ADCY9: variants seen among roughly 807,000 people sequenced by gnomAD.
ADCY9 encodes adenylate cyclase 9.
A neutral mutation model predicts 101.5 loss-of-function variants in ADCY9; 50 were observed. The ratio of observed to expected loss-of-function variants is 0.49; its 90% CI spans 0.39 to 0.62. ADCY9 has a LOEUF of 0.62. Among genes scored for constraint, ADCY9 ranks in the 20% least tolerant of loss-of-function variants. The probability of loss-of-function intolerance (pLI) is 0.00; values close to 1 mark genes in which losing one functional copy is unlikely to be tolerated. For synonymous variants in ADCY9, 905 were observed against 769.3 expected (o/e 1.18, Z -2.92); for missense variants, 1,662 against 1,800.4 (o/e 0.92, Z 1.39).
chr16:3,961,379 G>T (rs774101156), downstream of ADCY9, among the ~76,000 whole-genome samples: 1 of 151,892 alleles, frequency 6.6e-6, no homozygotes, highest in Non-Finnish European at 1.5e-5. Context: ...AGTCAGGGCA[G>T]GTCAAGGCTG....
chr16:4,031,810 G>A (rs1046683880), intron 2 of ADCY9, among the ~76,000 whole-genome samples: 103 of 152,088 alleles, frequency 6.8e-4, no homozygotes, highest in African/African-American at 2.2e-3. Flanking sequence ...CTGGGAGGTC[G>A]AGGCAGAGGT....
intron 2 of ADCY9, among the ~76,000 whole-genome samples, chr16:4,100,568 T>C (rs534028430): frequency 5.3e-5 from 8 of 151,864 alleles, no homozygotes; most frequent in African/African-American, 1.9e-4. Flanking sequence ...TGAGCTCAAG[T>C]GATCCGCCCG....
At chr16:4,035,543 T>A (rs1391251042) in intron 2 of ADCY9, among the ~76,000 whole-genome samples, 2 of 152,148 alleles carry the variant, frequency 1.3e-5, no homozygotes, top group Non-Finnish European at 2.9e-5. Context: ...TTAGATTGCC[T>A]CGCAAAGCCT....
intron 2 of ADCY9, among the ~76,000 whole-genome samples, chr16:4,051,504 A>G (rs2056701352): frequency 6.6e-6 from 1 of 151,914 alleles, no homozygotes; most frequent in South Asian, 2.1e-4. Flanking sequence ...CACCTGGGCA[A>G]CAGAGCAAGA....
chr16:4,007,712 C>T (rs1167297467), intron 2 of ADCY9, among the ~76,000 whole-genome samples, 154 bp from the exon 3 acceptor site: 4 of 152,182 alleles, frequency 2.6e-5, no homozygotes, highest in Admixed American at 2.6e-4. Context: ...CGTCCACGAT[C>T]TCTCCAGAGA....
At chr16:4,077,824 A>T (rs2056877237) in intron 2 of ADCY9, among the ~76,000 whole-genome samples, 1 of 152,066 alleles carries the variant, frequency 6.6e-6, no homozygotes. Context: ...GCATGGCAAA[A>T]CGCCATCTCT....
At position 3,962,858 on chromosome 16, in the gene ADCY9, T is replaced by C. The variant is rs2141665607; in HGVS notation, c.*2917A>G. On this transcript the variant is annotated 3_prime_UTR_variant, in exon 11 of 11. Transcript: ENST00000294016. ...ACTCCTTACCTCGAAAATCTAGAAA[T>C]TCAAATGCAGACGTGTCTTTGGAAA... 1 of 152,434 alleles carries C rather than the reference T, an allele frequency of 6.6e-6. No homozygotes were observed. Among genetic ancestry groups the C allele is most frequent in the African/African-American group, 2.4e-5 (1 of 41,464 alleles). The allele number at this position is 152,434 out of a possible 1,614,324, so 9.4% of individuals were successfully genotyped here.
In ADCY9 at chr16:4,115,577, C is replaced by A; in HGVS notation, c.-43-92G>T. Reference sequence around the variant, plus strand: ...CTGCTCCTGTCCTAAGGGGCGGCTCCAGCACGCGACCTGGACAGGCACCAT... The same window carrying A: ...CTGCTCCTGTCCTAAGGGGCGGCTCAAGCACGCGACCTGGACAGGCACCAT... On this transcript the variant is annotated intron_variant, in intron 1 of 10. Transcript: ENST00000294016. This position sits in a 1 kb window ranked among gnomAD's most constrained non-coding sequence, Gnocchi z 6.2. The A allele has an allele frequency of 9.1e-7, 1 of 1,098,654 alleles. No homozygotes were observed. The highest frequency in any genetic ancestry group is 1.3e-6 in the Non-Finnish European group (1 of 793,408). 68.1% of individuals were successfully genotyped at this position (1,098,654 alleles called of 1,614,324 possible).
In ADCY9 at chr16:3,963,665, T is replaced by C; in HGVS notation, c.*2110A>G. 3.6e-6 allele frequency: 1 copy of C among 275,216 alleles called. No individual in the cohort carries two copies. The highest frequency in any genetic ancestry group is 6.8e-6 in the Non-Finnish European group (1 of 147,864). 17.0% of individuals were successfully genotyped at this position (275,216 alleles called of 1,614,324 possible). A position where few individuals can be genotyped will look rare whatever the true frequency, so the allele number is the denominator to read the frequency against. On this transcript the variant is annotated 3_prime_UTR_variant, in exon 11 of 11. Coordinates refer to ENST00000294016, the MANE Select transcript of ADCY9 (RefSeq NM_001116.4). The stretch of plus-strand genomic sequence containing the variant: ...TGTGTGCGGAGAACTTTGCGGAGCA[T>C]GTTCTGAGCGAGACAGCAAGGTCGT...
At chr16:4,007,099 C>A (rs528091400) in intron 3 of ADCY9, among the ~76,000 whole-genome samples, 5 of 152,228 alleles carry the variant, frequency 3.3e-5, no homozygotes, top group Admixed American at 3.3e-4. Flanking sequence ...ACCACAGGTC[C>A]CAGGAAGAGA....
intron 2 of ADCY9, among the ~76,000 whole-genome samples, chr16:4,066,404 G>A (rs999716564): frequency 6.6e-6 from 1 of 151,948 alleles, no homozygotes; most frequent in Admixed American, 6.6e-5. Context: ...TATTTATTTA[G>A]AGATGGAGGT....
chr16:4,110,124 T>C (rs1238588008), intron 2 of ADCY9, among the ~76,000 whole-genome samples: 1 of 152,168 alleles, frequency 6.6e-6, no homozygotes, highest in Admixed American at 6.5e-5. Context: ...CACAACATTT[T>C]TAACTGTGAG....
downstream of ADCY9, among the ~76,000 whole-genome samples, chr16:3,958,058 T>G (rs1214920445): frequency 1.3e-5 from 2 of 151,944 alleles, no homozygotes; most frequent in East Asian, 1.9e-4. Context: ...GTGCCAGGGC[T>G]GGGGGGGATT....
intron 2 of ADCY9, among the ~76,000 whole-genome samples, chr16:4,038,724 C>T (rs1049148042): frequency 2.0e-5 from 3 of 152,074 alleles, no homozygotes; most frequent in African/African-American, 7.2e-5. Flanking sequence ...GGGGTCATCA[C>T]TCCCCAACCA....
At chr16:3,958,812 A>G (rs959165902), downstream of ADCY9, among the ~76,000 whole-genome samples, 1 of 150,874 alleles carries the variant, frequency 6.6e-6, no homozygotes, top group African/African-American at 2.4e-5. Context: ...CTGAGACCAC[A>G]GGCACCCACC....
At position 4,114,039 on chromosome 16, in the gene ADCY9, G is replaced by T. The variant is rs751982504; in HGVS notation, c.1404C>A (p.Gly468=). The T allele has an allele frequency of 6.2e-7, 1 of 1,613,830 alleles. No homozygotes were observed. Among genetic ancestry groups the T allele is most frequent in the South Asian group, 1.1e-5 (1 of 91,088 alleles). ...HAYCCIEMGL[G]MIKAIEQFCQ... is the part of the protein sequence containing the mutation. ...AGAACTGCTCGATGGCCTTGATCAT[G>T]CCCAGGCCCATCTCGATGCAGCAGT... is the stretch of plus-strand genomic sequence containing the variant. Residue 468 remains glycine (G), a synonymous_variant, in exon 2 of 11, where the codon GGC becomes GGA. Transcript: ENST00000294016. This position sits in a 1 kb window ranked among gnomAD's most constrained non-coding sequence, Gnocchi z 4.3.
intron 8 of ADCY9, 25 bp downstream of exon 8, chr16:3,979,091 A>G (rs767039768): frequency 6.2e-7 from 1 of 1,613,556 alleles, no homozygotes; most frequent in African/African-American, 1.3e-5. Flanking sequence ...GAGCGTGGAA[A>G]TAAAACGGCT....
At chr16:4,016,282 T>C (rs1221932670) in intron 2 of ADCY9, among the ~76,000 whole-genome samples, 2 of 152,206 alleles carry the variant, frequency 1.3e-5, no homozygotes, top group Non-Finnish European at 2.9e-5. Flanking sequence ...TTAAGAATCC[T>C]GTAACAGAGC....
chr16:4,104,087 G>A (rs981619704), intron 2 of ADCY9, among the ~76,000 whole-genome samples: 2 of 152,306 alleles, frequency 1.3e-5, no homozygotes, highest in East Asian at 1.9e-4. Context: ...ACAAACCACG[G>A]TCGTTCAGGC....
Sources: gnomAD v4.1 joint callset for allele counts (sites outside exome capture counted in the v4.1 genomes callset) on GRCh38, gnomAD v4.1.1 for gene constraint, Gnocchi (gnomAD v3.1) non-coding constraint, MANE v1.5 for transcripts, NCBI Gene and HGNC (gene_info 2026-07-23, HGNC 2026-07-21) for gene names.